CDH4: variants seen among roughly 807,000 people sequenced by gnomAD.
The protein encoded by CDH4 is cadherin-4.
In CDH4, 33 loss-of-function variants were observed where a neutral mutation model predicts 86.0. That is an observed-to-expected ratio of 0.38 (90% CI 0.29 to 0.51). The LOEUF (loss-of-function observed/expected upper bound fraction) is 0.51. Ranked by LOEUF, CDH4 falls within the 20% of genes least tolerant of loss-of-function variation. The probability of loss-of-function intolerance (pLI) is 0.86; values close to 1 mark genes in which losing one functional copy is unlikely to be tolerated. For missense variants in CDH4, 1,114 were observed against 1,307.4 expected, an observed-to-expected ratio of 0.85 and a Z score of 2.28; for synonymous variants, 555 against 549.4, an observed-to-expected ratio of 1.01 and a Z score of -0.14.
chr20:61,936,418 A>C (rs1220826133), intron 15 of CDH4, among the ~76,000 whole-genome samples: 25 of 6,046 alleles, frequency 4.1e-3, no homozygotes, highest in South Asian at 6.2e-3. Context: ...CCTCTCCCAC[A>C]CCCCCCCCCC....
intron 15 of CDH4, 58 bp downstream of exon 15, chr20:61,934,278 T>C: frequency 6.7e-7 from 1 of 1,482,668 alleles, no homozygotes; most frequent in Non-Finnish European, 9.0e-7. Flanking sequence ...AAAATTAAAT[T>C]CTGGTAACAC....
At chr20:61,924,514 C>T (rs1489275174) in intron 11 of CDH4, 38 bp downstream of exon 11, 4 of 1,596,682 alleles carry the variant, frequency 2.5e-6, no homozygotes, top group Non-Finnish European at 3.4e-6. Flanking sequence ...TCTCGGTGGC[C>T]TTCCCGTGTC....
At chr20:61,604,099 G>A (rs1306500255) in intron 2 of CDH4, among the ~76,000 whole-genome samples, 4 of 152,216 alleles carry the variant, frequency 2.6e-5, no homozygotes, top group African/African-American at 4.8e-5. Flanking sequence ...GAGCCTGGGT[G>A]TTGTTTAGAT....
At chr20:61,927,097 T>C (rs1423052423) in intron 11 of CDH4, among the ~76,000 whole-genome samples, 1 of 152,228 alleles carries the variant, frequency 6.6e-6, no homozygotes, top group Non-Finnish European at 1.5e-5. Flanking sequence ...ACCTTAAATG[T>C]GTTTTGACGC....
intron 2 of CDH4, among the ~76,000 whole-genome samples, chr20:61,273,367 T>C (rs2084197438): frequency 8.2e-6 from 1 of 122,004 alleles, no homozygotes; most frequent in African/African-American, 3.2e-5. Context: ...GAGTACCGTG[T>C]GCAGTTTAGG....
chr20:61,838,677 G>A (rs1282316701), intron 4 of CDH4, among the ~76,000 whole-genome samples: 1 of 151,890 alleles, frequency 6.6e-6, no homozygotes, highest in Non-Finnish European at 1.5e-5. Flanking sequence ...TGTGGTGGGG[G>A]GAGCGCCTGT....
At chr20:61,794,855 T>C (rs1439796233) in intron 4 of CDH4, among the ~76,000 whole-genome samples, 1 of 152,192 alleles carries the variant, frequency 6.6e-6, no homozygotes, top group African/African-American at 2.4e-5. Context: ...CATTTTAGGA[T>C]GTTCTTAAAT....
chr20:61,521,861 C>G (rs1361248726), intron 2 of CDH4, among the ~76,000 whole-genome samples: 1 of 152,210 alleles, frequency 6.6e-6, no homozygotes, highest in Non-Finnish European at 1.5e-5. Context: ...CCGGCCTGTG[C>G]TGATTTTAGT....
intron 4 of CDH4, among the ~76,000 whole-genome samples, chr20:61,821,702 C>T (rs974220226): frequency 1.3e-5 from 2 of 152,218 alleles, no homozygotes; most frequent in Non-Finnish European, 1.5e-5. Context: ...TTGGGGGGGT[C>T]TACTTTGGAT....
chr20:61,273,448 G>A (rs1364908367), intron 2 of CDH4, among the ~76,000 whole-genome samples: 3 of 68,904 alleles, frequency 4.4e-5, no homozygotes, highest in Non-Finnish European at 5.7e-5. Flanking sequence ...ACCATGTGCA[G>A]TTTGGGGGAG....
At position 61,539,516 on chromosome 20, in the gene CDH4, G is replaced by A. The variant is rs528658780; in HGVS notation, c.170-204047G>A. 2.7e-4 allele frequency among the ~76,000 whole-genome samples: 41 copies of A among 152,274 alleles called. 1 individual carries two copies. The highest frequency in any genetic ancestry group is 6.8e-3 in the Middle Eastern group (2 of 294). On this transcript the variant is annotated intron_variant, in intron 2 of 15. Transcript: ENST00000614565. ...CCTCACCTCCTCCTCTTATAAGGAC[G>A]CCAGCCAGGTTGGATTAGGCCCCAC...
At chr20:61,381,966 C>T (rs184805641) in intron 2 of CDH4, among the ~76,000 whole-genome samples, 1 of 151,924 alleles carries the variant, frequency 6.6e-6, no homozygotes, top group East Asian at 1.9e-4. Flanking sequence ...ATCCCAGCTA[C>T]TTGGGAGGCT....
intron 2 of CDH4, among the ~76,000 whole-genome samples, chr20:61,585,813 C>A (rs574339974): frequency 4.6e-5 from 6 of 130,758 alleles, no homozygotes; most frequent in Admixed American, 2.3e-4. Flanking sequence ...TGTGGTCATG[C>A]AGAGGATGGT....
chr20:61,757,716 C>T (rs1286581845), intron 3 of CDH4, among the ~76,000 whole-genome samples: 2 of 152,202 alleles, frequency 1.3e-5, no homozygotes, highest in African/African-American at 2.4e-5. Context: ...GGTGAAGATT[C>T]TTGCTGCCAT....
At chr20:61,735,433 C>T (rs2088250501) in intron 2 of CDH4, among the ~76,000 whole-genome samples, 1 of 152,174 alleles carries the variant, frequency 6.6e-6, no homozygotes, top group Non-Finnish European at 1.5e-5. Flanking sequence ...GTTTCTTATA[C>T]CCCCCTGGTG....
chr20:61,518,230 C>T lies in CDH4; in HGVS notation c.170-225333C>T, dbSNP rs561577666. Reference sequence around the variant, plus strand: ...CACCAGTTCCTAGGACGAGGAAGCCCGTGCCTCTCCACAGGCTGACTGCAT... The same window carrying T: ...CACCAGTTCCTAGGACGAGGAAGCCTGTGCCTCTCCACAGGCTGACTGCAT... On this transcript the variant is annotated intron_variant, in intron 2 of 15. Transcript: ENST00000614565. The surrounding 1 kb of genome is among the most constrained non-coding windows in gnomAD (Gnocchi z 6.3). Among the ~76,000 whole-genome samples, 31 of 152,228 alleles carry T rather than the reference C, an allele frequency of 2.0e-4. No homozygotes were observed. Among genetic ancestry groups the T allele is most frequent in the African/African-American group, 4.1e-4 (17 of 41,536 alleles).
chr20:61,600,306 G>A (rs150597104), intron 2 of CDH4, among the ~76,000 whole-genome samples: 233 of 152,348 alleles, frequency 1.5e-3, no homozygotes, highest in African/African-American at 5.1e-3. Flanking sequence ...TGAGCGTGCC[G>A]TATTTCCCAG....
intron 2 of CDH4, among the ~76,000 whole-genome samples, chr20:61,397,035 G>A (rs563667545): frequency 7.9e-5 from 12 of 152,104 alleles, no homozygotes; most frequent in Admixed American, 2.6e-4. Context: ...CTCAGCCCCC[G>A]CAAGTAGCTG....
At chr20:61,275,283 GGGGGGAGCACCGTGCGCAGTTT>G (rs2084222892) in intron 2 of CDH4, among the ~76,000 whole-genome samples, 9 of 81,128 alleles carry the variant, frequency 1.1e-4, no homozygotes, top group African/African-American at 1.9e-4. Flanking sequence ...ATGCGCAGTT[GGGGGGAGCACCGTGCGCAGTTT>G]GGGGGAGCAC....
Sources: allele counts gnomAD v4.1 joint callset (sites outside exome capture counted in the v4.1 genomes callset), GRCh38; gene constraint gnomAD v4.1.1; non-coding constraint Gnocchi (gnomAD v3.1); transcripts MANE v1.5; gene names NCBI Gene and HGNC (gene_info 2026-07-23, HGNC 2026-07-21).